The following CFAP20DC variants were observed in gnomAD, a reference collection of about 807,000 sequenced individuals.
CFAP20DC encodes CFAP20 domain containing.
In CFAP20DC, 84 loss-of-function variants were observed where a neutral mutation model predicts 101.7. The observed-to-expected ratio is 0.83, with a 90% CI of 0.69 to 0.99. CFAP20DC has a LOEUF of 0.99. Among genes scored for constraint, CFAP20DC ranks in the 50% least tolerant of loss-of-function variants. The pLI is 0.00. For missense variants in CFAP20DC, 1,007 were observed against 970.3 expected (o/e 1.04, Z -0.50); for synonymous variants, 359 against 351.2 (o/e 1.02, Z -0.25).
intron 12 of CFAP20DC, chr3:58,862,080 G>C (rs1179877507): frequency 1.0e-6 from 1 of 962,984 alleles, no homozygotes; most frequent in Non-Finnish European, 1.2e-6. Context: ...GAAGAGGTAA[G>C]TTCTTCATGT....
intron 13 of CFAP20DC, among the ~76,000 whole-genome samples, chr3:58,834,162 A>G (rs1042920745): frequency 1.4e-4 from 22 of 152,318 alleles, no homozygotes; most frequent in Non-Finnish European, 2.8e-4. Flanking sequence ...GAACTCCCGA[A>G]TTCCTTACTT....
At chr3:58,932,473 A>C (rs1370594075) in intron 5 of CFAP20DC, among the ~76,000 whole-genome samples, 1 of 152,116 alleles carries the variant, frequency 6.6e-6, no homozygotes, top group Non-Finnish European at 1.5e-5. Flanking sequence ...CATAATTGTC[A>C]GATTCACCAA....
At chr3:58,928,935 C>G (rs1184965394) in intron 5 of CFAP20DC, among the ~76,000 whole-genome samples, 1 of 151,954 alleles carries the variant, frequency 6.6e-6, no homozygotes, top group African/African-American at 2.4e-5. Flanking sequence ...TTTATATTCT[C>G]TATTGAGCCA....
intron 4 of CFAP20DC, among the ~76,000 whole-genome samples, chr3:58,972,802 A>G (rs924086914): frequency 2.0e-5 from 3 of 152,194 alleles, no homozygotes; most frequent in Non-Finnish European, 4.4e-5. Context: ...ATTTGTGCCA[A>G]TGTTCAAAGC....
intron 5 of CFAP20DC, among the ~76,000 whole-genome samples, chr3:58,932,569 G>A (rs553100136): frequency 9.7e-4 from 147 of 152,258 alleles, no homozygotes; most frequent in African/African-American, 3.3e-3. Flanking sequence ...ACTAACAGCT[G>A]TTCTCTCGGC....
At chr3:58,827,531 A>C (rs919045998) in intron 14 of CFAP20DC, among the ~76,000 whole-genome samples, 2 of 152,168 alleles carry the variant, frequency 1.3e-5, no homozygotes, top group Non-Finnish European at 2.9e-5. Flanking sequence ...GAGACTCCCC[A>C]CTGTCCCCTC....
chr3:58,856,112 A>C (rs2078780045), intron 12 of CFAP20DC, among the ~76,000 whole-genome samples: 1 of 150,156 alleles, frequency 6.7e-6, no homozygotes, highest in South Asian at 2.1e-4. Context: ...TAAAATAATC[A>C]ATAATACTAA....
intron 4 of CFAP20DC, among the ~76,000 whole-genome samples, chr3:58,990,623 T>G (rs1367963843): frequency 6.6e-6 from 1 of 152,204 alleles, no homozygotes; most frequent in African/African-American, 2.4e-5. Flanking sequence ...GGGCTGAGCA[T>G]CCCAAATCCA....
chr3:58,880,391 A>C (rs531490329), intron 7 of CFAP20DC, among the ~76,000 whole-genome samples: 1 of 152,300 alleles, frequency 6.6e-6, no homozygotes, highest in South Asian at 2.1e-4. Flanking sequence ...CAGGCAGAGC[A>C]GGTCATTCTT....
At chr3:59,034,129 A>G (rs12494975) in intron 4 of CFAP20DC, among the ~76,000 whole-genome samples, 21,255 of 152,218 alleles carry the variant, frequency 0.14, 1,878 homozygotes, top group Non-Finnish European at 0.2. Flanking sequence ...AAAATCCTCT[A>G]CAGACAAGCA....
At chr3:58,845,139 AG>A (rs2077506266) in intron 13 of CFAP20DC, among the ~76,000 whole-genome samples, 1 of 151,230 alleles carries the variant, frequency 6.6e-6, no homozygotes, top group Admixed American at 6.6e-5. Flanking sequence ...AAAAGCTAGC[AG>A]AAGGCGAGAA....
chr3:58,772,795 T>C (rs2070967681), intron 15 of CFAP20DC, among the ~76,000 whole-genome samples: 1 of 152,088 alleles, frequency 6.6e-6, no homozygotes. Context: ...TCCAAAAAAT[T>C]TAAAAAAGTT....
chr3:58,939,138 T>C (rs1162523086), intron 4 of CFAP20DC, among the ~76,000 whole-genome samples: 1 of 152,194 alleles, frequency 6.6e-6, no homozygotes, highest in African/African-American at 2.4e-5. Flanking sequence ...AAAATGTTAT[T>C]TTTGTGCATG....
chr3:59,038,474 C>T (rs967321603), intron 4 of CFAP20DC, among the ~76,000 whole-genome samples: 6 of 152,118 alleles, frequency 3.9e-5, no homozygotes, highest in African/African-American at 1.4e-4. Context: ...TTTTACTGAG[C>T]TTTGCTTTAT....
intron 5 of CFAP20DC, among the ~76,000 whole-genome samples, chr3:58,932,538 C>T (rs2107688791): frequency 6.6e-6 from 1 of 152,200 alleles, no homozygotes; most frequent in East Asian, 1.9e-4. Flanking sequence ...GTCGCATTAC[C>T]TACAAAGGGA....
intron 15 of CFAP20DC, among the ~76,000 whole-genome samples, chr3:58,781,990 C>G (rs1313710315): frequency 6.6e-6 from 1 of 151,864 alleles, no homozygotes; most frequent in Non-Finnish European, 1.5e-5. Flanking sequence ...AACTAGAGGC[C>G]AATATCCGTG....
At chr3:58,968,036 T>C (rs1279900718) in intron 4 of CFAP20DC, among the ~76,000 whole-genome samples, 1 of 152,230 alleles carries the variant, frequency 6.6e-6, no homozygotes, top group Non-Finnish European at 1.5e-5. Flanking sequence ...GCAAAAGACA[T>C]GATCTTGTTC....
At chr3:58,777,407 G>A (rs1469753670) in intron 15 of CFAP20DC, among the ~76,000 whole-genome samples, 1 of 152,170 alleles carries the variant, frequency 6.6e-6, no homozygotes, top group Admixed American at 6.5e-5. Flanking sequence ...TGTCACAGGC[G>A]TGCATCATTA....
chr3:58,861,683 T>A lies in CFAP20DC; in HGVS notation c.1593+1875A>T. 1 of 985,458 alleles carries A rather than the reference T, an allele frequency of 1.0e-6. No individual in the cohort carries two copies. Among genetic ancestry groups the A allele is most frequent in the Non-Finnish European group, 1.2e-6 (1 of 829,938 alleles). 61.0% of individuals were successfully genotyped at this position (985,458 alleles called of 1,614,324 possible). Reference sequence around the variant, plus strand: ...TGTACCAGCAAACCCCAAAGCTTGATAATGTGGCAGGTGTTTCCCCTCTCT... The same window carrying A: ...TGTACCAGCAAACCCCAAAGCTTGAAAATGTGGCAGGTGTTTCCCCTCTCT... On this transcript the variant is annotated intron_variant, in intron 12 of 16. Transcript: ENST00000482387. This position sits in a 1 kb window ranked among gnomAD's most constrained non-coding sequence, Gnocchi z 4.0.
Sources: allele counts gnomAD v4.1 joint callset (sites outside exome capture counted in the v4.1 genomes callset), GRCh38; gene constraint gnomAD v4.1.1; non-coding constraint Gnocchi (gnomAD v3.1); transcripts MANE v1.5; gene names NCBI Gene and HGNC (gene_info 2026-07-23, HGNC 2026-07-21).